The following MAPK10 variants were observed in gnomAD, a reference collection of about 807,000 sequenced individuals.
The protein encoded by MAPK10 is mitogen-activated protein kinase 10.
Under a neutral mutation model 59.3 loss-of-function variants are expected in MAPK10, and 25 were observed. The observed-to-expected ratio is 0.42, with a 90% CI of 0.31 to 0.59. MAPK10 has a LOEUF of 0.59. Among genes scored for constraint, MAPK10 ranks in the 20% least tolerant of loss-of-function variants. The pLI is 0.15. For synonymous variants in MAPK10, 190 were observed against 200.5 expected (o/e 0.95, Z 0.44); for missense variants, 351 against 568.9 (o/e 0.62, Z 3.90).
intron 9 of MAPK10, among the ~76,000 whole-genome samples, chr4:86,079,090 GA>G (rs1435351530): frequency 8.5e-5 from 13 of 152,198 alleles, no homozygotes; most frequent in African/African-American, 2.6e-4. Context: ...CTGGTAACAG[GA>G]AATATGAATA....
intron 2 of MAPK10, among the ~76,000 whole-genome samples, chr4:86,292,326 G>A (rs995946333): frequency 5.3e-5 from 8 of 152,120 alleles, no homozygotes; most frequent in Non-Finnish European, 1.2e-4. Flanking sequence ...TTAAGATGAT[G>A]AAGCACAATC....
intron 1 of MAPK10, among the ~76,000 whole-genome samples, chr4:86,579,981 T>C (rs1319871762): frequency 6.6e-6 from 1 of 151,854 alleles, no homozygotes; most frequent in African/African-American, 2.4e-5. Context: ...ACGGACTAAT[T>C]ATTTTTATTT....
At chr4:86,159,205 T>A (rs890780160) in intron 4 of MAPK10, 93 bp downstream of exon 4, 40 of 972,574 alleles carry the variant, frequency 4.1e-5, no homozygotes, top group Middle Eastern at 2.3e-4. Flanking sequence ...ATTATGCTAT[T>A]TATTTTGGGG....
At position 86,382,562 on chromosome 4, in the gene MAPK10, C is replaced by G. The variant is rs370700751; in HGVS notation, c.-121-27918G>C. 1.8e-4 allele frequency among the ~76,000 whole-genome samples: 28 copies of G among 152,274 alleles called. No individual in the cohort carries two copies. The South Asian group carries it at 5.4e-3, about 29-fold the overall frequency. ...GACTGCTTGTTCACCTAGATGCTAG[C>G]CCAGTGCCTGGCATAAAGTCGGAGC... On this transcript the variant is annotated intron_variant, in intron 1 of 13. Coordinates refer to the MAPK10 transcript ENST00000361569.
chr4:86,091,907 T>A (rs1325847609), intron 9 of MAPK10, among the ~76,000 whole-genome samples: 2 of 151,914 alleles, frequency 1.3e-5, no homozygotes, highest in African/African-American at 4.8e-5. Context: ...CTCCTGACCT[T>A]GTGATCTGCC....
At chr4:86,107,534 A>G in intron 4 of MAPK10, 182 bp from the exon 5 acceptor site, 3 of 1,230,708 alleles carry the variant, frequency 2.4e-6, no homozygotes, top group Non-Finnish European at 3.0e-6. Flanking sequence ...AATATTCTAC[A>G]TGCTAGGAGG....
intron 2 of MAPK10, among the ~76,000 whole-genome samples, chr4:86,248,391 A>G (rs1472950912): frequency 6.6e-6 from 1 of 152,232 alleles, no homozygotes; most frequent in Non-Finnish European, 1.5e-5. Flanking sequence ...AAACTTATCA[A>G]GATAACTCAG....
intron 2 of MAPK10, among the ~76,000 whole-genome samples, chr4:86,232,031 G>T (rs1435015676): frequency 6.6e-6 from 1 of 152,208 alleles, no homozygotes; most frequent in African/African-American, 2.4e-5. Context: ...AACCTTGTCT[G>T]TAAAAAGTCA....
intron 2 of MAPK10, among the ~76,000 whole-genome samples, chr4:86,245,740 T>C (rs2093043802): frequency 1.3e-5 from 2 of 152,164 alleles, no homozygotes; most frequent in South Asian, 4.1e-4. Flanking sequence ...AAAAAAATAT[T>C]TGATTGAAGT....
intron 1 of MAPK10, among the ~76,000 whole-genome samples, chr4:86,448,860 T>C (rs1750364770): frequency 6.6e-6 from 1 of 152,200 alleles, no homozygotes; most frequent in Non-Finnish European, 1.5e-5. Context: ...CTTGTTTTCC[T>C]GCAACTAGTC....
intron 2 of MAPK10, among the ~76,000 whole-genome samples, chr4:86,197,928 A>G (rs1416232322): frequency 6.6e-6 from 1 of 152,148 alleles, no homozygotes; most frequent in African/African-American, 2.4e-5. Context: ...TAGAATACAG[A>G]GCCCAGAACA....
intron 1 of MAPK10, among the ~76,000 whole-genome samples, chr4:86,388,305 A>G (rs975925038): frequency 6.6e-6 from 1 of 152,288 alleles, no homozygotes; most frequent in East Asian, 1.9e-4. Context: ...ATCGTTTGTC[A>G]GTAAACATTC....
intron 1 of MAPK10, among the ~76,000 whole-genome samples, chr4:86,560,248 G>A (rs1760572025): frequency 6.6e-6 from 1 of 152,078 alleles, no homozygotes; most frequent in Non-Finnish European, 1.5e-5. Context: ...TTACTCCAAG[G>A]TTCAGAGTCA....
chr4:86,180,489 C>CAA (rs34911547), intron 3 of MAPK10, among the ~76,000 whole-genome samples: 5 of 77,504 alleles, frequency 6.5e-5, no homozygotes, highest in South Asian at 4.1e-4. Context: ...GGGTGTTCAT[C>CAA]AAAAAAAAAA....
intron 1 of MAPK10, among the ~76,000 whole-genome samples, chr4:86,581,055 C>T (rs1029387404): frequency 3.9e-5 from 6 of 152,104 alleles, no homozygotes; most frequent in African/African-American, 1.4e-4. Context: ...TGGTGTTTTG[C>T]TTCAATTCTA....
At chr4:86,075,705 C>G (rs918175862) in intron 9 of MAPK10, among the ~76,000 whole-genome samples, 1 of 152,082 alleles carries the variant, frequency 6.6e-6, no homozygotes, top group Non-Finnish European at 1.5e-5. Flanking sequence ...TTAGACTTCT[C>G]GGGGGTCAGG....
intron 9 of MAPK10, among the ~76,000 whole-genome samples, chr4:86,089,781 G>C (rs1186305467): frequency 6.6e-6 from 1 of 152,082 alleles, no homozygotes; most frequent in African/African-American, 2.4e-5. Flanking sequence ...TTCCAGAAGT[G>C]AAAAGCCAGT....
intron 4 of MAPK10, among the ~76,000 whole-genome samples, chr4:86,133,885 C>T (rs903916026): frequency 1.4e-4 from 21 of 151,960 alleles, no homozygotes; most frequent in Non-Finnish European, 2.1e-4. Context: ...TAATGATTCT[C>T]GGGTAACAAA....
chr4:86,036,466 A>T (rs1431213555), intron 11 of MAPK10, among the ~76,000 whole-genome samples: 1 of 152,104 alleles, frequency 6.6e-6, no homozygotes, highest in Non-Finnish European at 1.5e-5. Flanking sequence ...TAGTTAAAGG[A>T]AGTCACTTTT....
Sources: allele counts gnomAD v4.1 joint callset (sites outside exome capture counted in the v4.1 genomes callset), GRCh38; gene constraint gnomAD v4.1.1; transcripts MANE v1.5; gene names NCBI Gene and HGNC (gene_info 2026-07-23, HGNC 2026-07-21).